ZNF804A: variants seen among roughly 807,000 people sequenced by gnomAD.
The protein encoded by ZNF804A is zinc finger protein 804A.
In ZNF804A, 2 loss-of-function variants were observed where a neutral mutation model predicts 16.5. The ratio of observed to expected loss-of-function variants is 0.12; its 90% CI spans 0.05 to 0.38. ZNF804A has a LOEUF of 0.38. Ranked by LOEUF, ZNF804A falls within the 10% of genes least tolerant of loss-of-function variation. The pLI is 0.99. For synonymous variants in ZNF804A, 534 were observed against 489.6 expected (o/e 1.09, Z -1.20); for missense variants, 1,473 against 1,390.7 (o/e 1.06, Z -0.94).
chr2:184,935,866 T>C lies in ZNF804A; in HGVS notation c.470T>C (p.Val157Ala). 6.2e-7 allele frequency: 1 copy of C among 1,613,882 alleles called. No homozygotes were observed. The highest frequency in any genetic ancestry group is 8.5e-7 in the Non-Finnish European group (1 of 1,179,886). The change falls in exon 4 of 4, where the codon GTG becomes GCG. Residue 157 changes from valine to alanine, a missense_variant. Transcript: ENST00000302277. ...NCNEISQRVVVDSVNNQQDFK... is the reference protein window; with the variant it reads ...NCNEISQRVVADSVNNQQDFK... Reference sequence around the variant, plus strand: ...AATGAAATTTCCCAACGAGTTGTTGTGGATTCAGTTAATAACCAGCAAGAT... The same window carrying C: ...AATGAAATTTCCCAACGAGTTGTTGCGGATTCAGTTAATAACCAGCAAGAT...
intron 2 of ZNF804A, among the ~76,000 whole-genome samples, chr2:184,914,790 A>G (rs1425425745): frequency 1.3e-5 from 2 of 152,054 alleles, no homozygotes; most frequent in East Asian, 3.9e-4. Context: ...ACAGACCACT[A>G]CAACTGTGTC....
chr2:184,894,034 A>AT (rs774748930), intron 2 of ZNF804A, among the ~76,000 whole-genome samples: 4 of 152,188 alleles, frequency 2.6e-5, no homozygotes, highest in African/African-American at 4.8e-5. Flanking sequence ...AAACCTTCCA[A>AT]TTTTTTATCA....
intron 2 of ZNF804A, among the ~76,000 whole-genome samples, chr2:184,888,664 G>C (rs544205759): frequency 6.6e-5 from 10 of 152,170 alleles, no homozygotes; most frequent in African/African-American, 2.4e-4. Context: ...AGTTCTAAAT[G>C]CTGCCTAGAA....
intron 1 of ZNF804A, among the ~76,000 whole-genome samples, chr2:184,796,432 G>T (rs1483056457): frequency 1.3e-5 from 2 of 151,984 alleles, no homozygotes; most frequent in Admixed American, 6.6e-5. Context: ...GGGTTATCCA[G>T]TTCTTCCTGG....
chr2:184,753,550 A>G (rs774296735), intron 1 of ZNF804A, among the ~76,000 whole-genome samples: 9 of 151,788 alleles, frequency 5.9e-5, no homozygotes, highest in Non-Finnish European at 1.3e-4. Context: ...GGCCTGTGAT[A>G]CTGTACCACT....
chr2:184,680,962 C>T (rs1057214512), intron 1 of ZNF804A, among the ~76,000 whole-genome samples: 14 of 152,382 alleles, frequency 9.2e-5, no homozygotes, highest in African/African-American at 3.1e-4. Flanking sequence ...GTGCCTGGTC[C>T]AGCTGCAGCC....
In ZNF804A at chr2:184,603,922, A is replaced by G. The variant is rs1220378230; in HGVS notation, c.111+4852A>G. Among the ~76,000 whole-genome samples the G allele has an allele frequency of 2.0e-5, 3 of 152,132 alleles. No homozygotes were observed. The East Asian group carries it at 5.8e-4, about 29-fold the overall frequency. ...TACTACATGTCCTTTTTCAGAACAC[A>G]TTATTCTAGTATCGAAAATAACTGA... On this transcript the variant is annotated intron_variant, in intron 1 of 3. Coordinates refer to ENST00000302277, the MANE Select transcript of ZNF804A (RefSeq NM_194250.2).
At chr2:184,858,829 T>G (rs2105807643) in intron 1 of ZNF804A, among the ~76,000 whole-genome samples, 1 of 152,308 alleles carries the variant, frequency 6.6e-6, no homozygotes, top group South Asian at 2.1e-4. Context: ...CCTTTATCCA[T>G]TTTTGTAAGA....
rs528081820 is a variant in ZNF804A at position 184,760,668 on chromosome 2, C to G, written c.112-105701C>G. Among the ~76,000 whole-genome samples the G allele has an allele frequency of 7.9e-5, 12 of 151,466 alleles. 1 individual carries two copies. The South Asian group carries it at 2.5e-3, about 32-fold the overall frequency. On this transcript the variant is annotated intron_variant, in intron 1 of 3. Coordinates refer to ENST00000302277, the MANE Select transcript of ZNF804A (RefSeq NM_194250.2). ...TCAAGGGTTGGCTTGAAGAAGGAGA[C>G]TACAGACACCCCATCAAGGGTTGGC...
chr2:184,816,463 G>A (rs1452461938), intron 1 of ZNF804A, among the ~76,000 whole-genome samples: 1 of 152,000 alleles, frequency 6.6e-6, no homozygotes, highest in Non-Finnish European at 1.5e-5. Flanking sequence ...CTAAGTAATT[G>A]TAAGATTGTG....
Position 184,749,430 on chromosome 2 carries a change from G to A in ZNF804A, c.112-116939G>A, listed in dbSNP as rs560067488. Among the ~76,000 whole-genome samples the A allele has an allele frequency of 4.6e-5, 7 of 151,220 alleles. No homozygotes were observed. In the East Asian group the frequency reaches 1.4e-3, roughly 29 times the overall value. ...CTGATATTTGTACATTTATTTTGTA[G>A]CCTGAAATCTTGGTAAAATAGTTCA... On this transcript the variant is annotated intron_variant, in intron 1 of 3. Coordinates refer to ENST00000302277, the MANE Select transcript of ZNF804A (RefSeq NM_194250.2).
intron 2 of ZNF804A, among the ~76,000 whole-genome samples, chr2:184,905,398 A>G (rs184245163): frequency 6.6e-6 from 1 of 152,246 alleles, no homozygotes; most frequent in East Asian, 1.9e-4. Flanking sequence ...GGATAATCAT[A>G]TAACAGCATT....
At chr2:184,900,802 G>A (rs916081159) in intron 2 of ZNF804A, among the ~76,000 whole-genome samples, 8 of 152,036 alleles carry the variant, frequency 5.3e-5, no homozygotes, top group South Asian at 2.1e-4. Flanking sequence ...CAGATCCTCC[G>A]CTGGTCAGTA....
Position 184,604,146 on chromosome 2 carries a change from C to CTTTTTTTTTTTTTTTTTTTTTTTT in ZNF804A, c.111+5094_111+5117dup. ...TTCAGGTTATGGATGACTGCAATTA[C>CTTTTTTTTTTTTTTTTTTTTTTTT]TTTTTTTTTTTTTTTTTTTTTTTTT... On this transcript the variant is annotated intron_variant, in intron 1 of 3. Transcript: ENST00000302277. Among the ~76,000 whole-genome samples the CTTTTTTTTTTTTTTTTTTTTTTTT allele has an allele frequency of 4.5e-5, 2 of 44,898 alleles. 1 individual carries two copies. Among genetic ancestry groups the CTTTTTTTTTTTTTTTTTTTTTTTT allele is most frequent in the Non-Finnish European group, 8.8e-5 (2 of 22,814 alleles). The allele number at this position is 44,898 out of a possible 152,430, so 29.5% of individuals were successfully genotyped here.
intron 1 of ZNF804A, among the ~76,000 whole-genome samples, chr2:184,828,664 CA>C (rs901567628): frequency 6.6e-6 from 1 of 151,786 alleles, no homozygotes; most frequent in African/African-American, 2.4e-5. Context: ...ATCAATGTTA[CA>C]GGTTCCCTTG....
rs1337659663 is a variant in ZNF804A, at chr2:184,936,203, G to A, written c.807G>A (p.Leu269=). The change falls in exon 4 of 4, where the codon TTG becomes TTA. Residue 269 remains leucine (L), a synonymous_variant. Coordinates refer to ENST00000302277, the MANE Select transcript of ZNF804A (RefSeq NM_194250.2). ...LQQSSPTDVL[L]SSEEKTNSFH... is the part of the protein sequence containing the mutation. ...AATCTTCACCAACAGATGTGCTTTTGAGTTCTGAGGAGAAAACTAACTCTT... is the reference window on the plus strand; with the variant it reads ...AATCTTCACCAACAGATGTGCTTTTAAGTTCTGAGGAGAAAACTAACTCTT... The A allele has an allele frequency of 1.2e-6, 2 of 1,614,010 alleles. No individual in the cohort carries two copies. The highest frequency in any genetic ancestry group is 1.1e-5 in the South Asian group (1 of 91,070).
chr2:184,852,229 TTC>T (rs10618125), intron 1 of ZNF804A, among the ~76,000 whole-genome samples: 68,109 of 134,272 alleles, frequency 0.51, 15,663 homozygotes, highest in Middle Eastern at 0.59. Flanking sequence ...TGCGGTCTCT[TTC>T]TCTCTCTCTC....
chr2:184,868,818 G>C (rs915658501), intron 2 of ZNF804A, among the ~76,000 whole-genome samples: 1 of 151,872 alleles, frequency 6.6e-6, no homozygotes, highest in Non-Finnish European at 1.5e-5. Context: ...CAAAGCAAAT[G>C]AGCAAATAAA....
At chr2:184,807,868 A>G (rs1694835210) in intron 1 of ZNF804A, among the ~76,000 whole-genome samples, 1 of 151,726 alleles carries the variant, frequency 6.6e-6, no homozygotes, top group African/African-American at 2.4e-5. Context: ...AAAGACCAAT[A>G]TTATTTAGAG....
Sources: gnomAD v4.1 joint callset for allele counts (sites outside exome capture counted in the v4.1 genomes callset) on GRCh38, gnomAD v4.1.1 for gene constraint, MANE v1.5 for transcripts, NCBI Gene and HGNC (gene_info 2026-07-23, HGNC 2026-07-21) for gene names.